Variants in IMMP2L observed in about 807,000 individuals in gnomAD.
IMMP2L encodes inner mitochondrial membrane peptidase subunit 2.
IMMP2L carries 18 observed loss-of-function variants against 19.3 expected under a neutral mutation model. The ratio of observed to expected loss-of-function variants is 0.93; its 90% CI spans 0.64 to 1.38. The LOEUF is 1.38. Among genes scored for constraint, IMMP2L ranks in the 40% most tolerant of loss-of-function variants. The pLI, the probability that IMMP2L is intolerant of heterozygous loss-of-function variation, is 0.00. For missense variants in IMMP2L, 233 were observed against 218.2 expected, an observed-to-expected ratio of 1.07 and a Z score of -0.43; for synonymous variants, 76 against 73.0, an observed-to-expected ratio of 1.04 and a Z score of -0.21.
chr7:110,852,090 C>T (rs1806280714), intron 5 of IMMP2L, among the ~76,000 whole-genome samples: 1 of 151,928 alleles, frequency 6.6e-6, no homozygotes, highest in South Asian at 2.1e-4. Context: ...TGGAATACAG[C>T]CATCATTTGG....
chr7:111,489,637 A>G (rs911252422), intron 2 of IMMP2L, among the ~76,000 whole-genome samples: 7 of 152,166 alleles, frequency 4.6e-5, no homozygotes, highest in African/African-American at 1.7e-4. Context: ...AGAGTTGACA[A>G]ATATGTCAAA....
At chr7:111,101,527 T>A (rs145705425) in intron 3 of IMMP2L, among the ~76,000 whole-genome samples, 82 of 151,596 alleles carry the variant, frequency 5.4e-4, no homozygotes, top group Non-Finnish European at 7.5e-4. Flanking sequence ...TGTCTACCAT[T>A]TTTGTTGTAG....
At chr7:110,948,252 CAG>C (rs1366136843) in intron 4 of IMMP2L, among the ~76,000 whole-genome samples, 7 of 150,040 alleles carry the variant, frequency 4.7e-5, no homozygotes, top group African/African-American at 1.8e-4. Context: ...AAACAGCAAA[CAG>C]ATTTTAGTTT....
intron 3 of IMMP2L, among the ~76,000 whole-genome samples, chr7:111,226,453 C>T (rs776086748): frequency 5.3e-5 from 8 of 152,224 alleles, no homozygotes; most frequent in Non-Finnish European, 1.0e-4. Flanking sequence ...CAGATGTGAG[C>T]CACCATGCCT....
chr7:111,256,529 C>T (rs1254660789), intron 3 of IMMP2L, among the ~76,000 whole-genome samples: 1 of 152,012 alleles, frequency 6.6e-6, no homozygotes, highest in African/African-American at 2.4e-5. Context: ...ACACAGTAAA[C>T]TGTACTCCAC....
intron 3 of IMMP2L, among the ~76,000 whole-genome samples, chr7:111,066,152 T>C (rs1316847272): frequency 6.6e-6 from 1 of 152,026 alleles, no homozygotes; most frequent in Non-Finnish European, 1.5e-5. Context: ...CAAATTTTTG[T>C]ATTTTTTAAA....
intron 3 of IMMP2L, among the ~76,000 whole-genome samples, chr7:111,469,522 G>A (rs1841011891): frequency 6.6e-6 from 1 of 151,968 alleles, no homozygotes; most frequent in Non-Finnish European, 1.5e-5. Context: ...AAGCAATTGT[G>A]AATGGGAGTT....
chr7:111,432,513 C>T (rs543027498), intron 3 of IMMP2L, among the ~76,000 whole-genome samples: 2 of 151,852 alleles, frequency 1.3e-5, no homozygotes, highest in Non-Finnish European at 2.9e-5. Context: ...TAAAATTCAG[C>T]ATGGCTTCGT....
At chr7:111,111,167 A>G (rs1379983497) in intron 3 of IMMP2L, among the ~76,000 whole-genome samples, 1 of 152,270 alleles carries the variant, frequency 6.6e-6, no homozygotes, top group Non-Finnish European at 1.5e-5. Flanking sequence ...ATGCAAATTT[A>G]TAACCCTGTT....
At chr7:110,675,827 G>A (rs370855013) in intron 5 of IMMP2L, among the ~76,000 whole-genome samples, 3 of 152,282 alleles carry the variant, frequency 2.0e-5, no homozygotes, top group African/African-American at 4.8e-5. Flanking sequence ...TAAGAGTGAA[G>A]GGGGTTATTA....
chr7:111,301,968 C>A (rs1277777207), intron 3 of IMMP2L, among the ~76,000 whole-genome samples: 3 of 144,854 alleles, frequency 2.1e-5, no homozygotes, highest in Non-Finnish European at 4.5e-5. Context: ...GAATTCCCTG[C>A]CACAATTAGA....
chr7:110,732,625 C>T (rs1055648936), intron 5 of IMMP2L, among the ~76,000 whole-genome samples: 7 of 152,120 alleles, frequency 4.6e-5, no homozygotes, highest in Non-Finnish European at 8.8e-5. Context: ...AAAATTAATA[C>T]TCCCTAAGCA....
intron 3 of IMMP2L, among the ~76,000 whole-genome samples, chr7:111,362,728 C>A (rs1489756643): frequency 1.3e-5 from 2 of 148,792 alleles, no homozygotes; most frequent in Non-Finnish European, 2.9e-5. Context: ...TTCACTTTTT[C>A]AATACCAATA....
intron 5 of IMMP2L, among the ~76,000 whole-genome samples, chr7:110,869,157 T>C (rs2129543651): frequency 6.6e-6 from 1 of 152,162 alleles, no homozygotes; most frequent in African/African-American, 2.4e-5. Flanking sequence ...GTAGAATCAA[T>C]TTCAGGTGGG....
chr7:111,269,662 A>G (rs1460291236), intron 3 of IMMP2L, among the ~76,000 whole-genome samples: 5 of 152,314 alleles, frequency 3.3e-5, no homozygotes, highest in South Asian at 4.1e-4. Flanking sequence ...AAAAAAAACA[A>G]TGTTCACATC....
chr7:111,379,079 G>T (rs554058463), intron 3 of IMMP2L, among the ~76,000 whole-genome samples: 107 of 151,254 alleles, frequency 7.1e-4, no homozygotes, highest in Non-Finnish European at 1.2e-3. Context: ...TTACTGAAAG[G>T]CTAATCCAGT....
chr7:110,962,610 T>C (rs540644548), intron 4 of IMMP2L: 18 of 419,548 alleles, frequency 4.3e-5, no homozygotes, highest in Middle Eastern at 2.4e-3. Context: ...AACACTTTAG[T>C]ATTATTAGGA....
chr7:111,226,632 G>A (rs1397985230), intron 3 of IMMP2L, among the ~76,000 whole-genome samples: 3 of 151,946 alleles, frequency 2.0e-5, no homozygotes, highest in African/African-American at 7.3e-5. Context: ...CACAGTAATG[G>A]GGGAGACAAT....
At chr7:110,977,092 CAGAA>C (rs1313469583) in intron 3 of IMMP2L, among the ~76,000 whole-genome samples, 2 of 151,856 alleles carry the variant, frequency 1.3e-5, no homozygotes, top group Non-Finnish European at 2.9e-5. Flanking sequence ...GTGATTTTAA[CAGAA>C]AGGCTGTGGT....
Sources: gnomAD v4.1 joint callset for allele counts (sites outside exome capture counted in the v4.1 genomes callset) on GRCh38, gnomAD v4.1.1 for gene constraint, MANE v1.5 for transcripts, NCBI Gene and HGNC (gene_info 2026-07-23, HGNC 2026-07-21) for gene names.